Variants in TGM6 observed in about 807,000 individuals in gnomAD.
TGM6 encodes the protein transglutaminase 6, also known as protein-glutamine gamma-glutamyltransferase 6.
Under a neutral mutation model 77.5 loss-of-function variants are expected in TGM6, and 74 were observed. That is an observed-to-expected ratio of 0.96 (90% CI 0.79 to 1.16). The LOEUF is 1.16. Among genes scored for constraint, TGM6 ranks in the 50% most tolerant of loss-of-function variants. The pLI is 0.00. For synonymous variants in TGM6, 383 were observed against 378.9 expected, an observed-to-expected ratio of 1.01 and a Z score of -0.12; for missense variants, 968 against 940.2, an observed-to-expected ratio of 1.03 and a Z score of -0.39.
Position 2,417,359 on chromosome 20 carries a change from G to C in TGM6, c.1464G>C (p.Glu488Asp), listed in dbSNP as rs760260550. 49 of 1,613,804 alleles carry C rather than the reference G, an allele frequency of 3.0e-5. No homozygotes were observed. The South Asian group carries it at 5.4e-4, about 18-fold the overall frequency. The change falls in exon 10 of 13, where the codon GAG becomes GAC. Residue 488 changes from glutamate (E) to aspartate (D), a missense_variant. By Grantham distance (45) the Glu-to-Asp change is conservative (BLOSUM62 2). Coordinates refer to ENST00000202625, the MANE Select transcript of TGM6 (RefSeq NM_198994.3). ...GRCLWRDDLL[E>D]PATKPSIAGK... ...GTCTCTGGCGTGACGACCTCCTGGA[G>C]CCTGCCACCAAGCCCAGCATCGCTG...
chr20:2,400,495 G>A (rs2084700355), intron 7 of TGM6, 51 bp downstream of exon 7: 1 of 1,612,458 alleles, frequency 6.2e-7, no homozygotes, highest in Non-Finnish European at 8.5e-7. Context: ...CCCAGCAGGT[G>A]GAGCAAGGCC....
intron 9 of TGM6, among the ~76,000 whole-genome samples, chr20:2,405,078 T>C (rs1391817672): frequency 6.6e-6 from 1 of 152,242 alleles, no homozygotes; most frequent in African/African-American, 2.4e-5. Flanking sequence ...CAGGTGGTGC[T>C]GGCTGGGATC....
chr20:2,427,687 A>ACTTCT (rs1321988140), intron 10 of TGM6, among the ~76,000 whole-genome samples: 1 of 152,086 alleles, frequency 6.6e-6, no homozygotes, highest in African/African-American at 2.4e-5. Context: ...AATATTATAG[A>ACTTCT]CTTCTCTCTA....
chr20:2,397,844 G>C, intron 4 of TGM6, 74 bp from the exon 5 acceptor site: 3 of 1,613,008 alleles, frequency 1.9e-6, no homozygotes, highest in Admixed American at 3.3e-5. Flanking sequence ...TGACTGACCG[G>C]GTGAGGGCTG....
chr20:2,390,005 A>G (rs1018243003), intron 1 of TGM6, among the ~76,000 whole-genome samples: 15 of 152,178 alleles, frequency 9.9e-5, no homozygotes, highest in Non-Finnish European at 2.2e-4. Flanking sequence ...GACTTGCCTC[A>G]TTCCCAGAGA....
intron 1 of TGM6, among the ~76,000 whole-genome samples, chr20:2,392,493 C>T (rs752879947): frequency 2.0e-5 from 3 of 152,176 alleles, no homozygotes; most frequent in Admixed American, 6.5e-5. Context: ...ACCCCTGGAA[C>T]ATAATAAGTA....
At chr20:2,414,985 C>T (rs988058715) in intron 9 of TGM6, among the ~76,000 whole-genome samples, 28 of 150,378 alleles carry the variant, frequency 1.9e-4, no homozygotes, top group Admixed American at 1.5e-3. Context: ...TGACGGGGTG[C>T]ACAATTCTGT....
At chr20:2,381,136 C>A (rs2084551877) in intron 1 of TGM6, among the ~76,000 whole-genome samples, 161 bp downstream of exon 1, 1 of 152,152 alleles carries the variant, frequency 6.6e-6, no homozygotes, top group Non-Finnish European at 1.5e-5. Flanking sequence ...TCATGAGGCC[C>A]AGGATGAAAA....
intron 7 of TGM6, among the ~76,000 whole-genome samples, 153 bp downstream of exon 7, chr20:2,400,597 C>A (rs755034337): frequency 2.0e-5 from 3 of 152,138 alleles, no homozygotes; most frequent in African/African-American, 7.2e-5. Context: ...AGGCGCCCTG[C>A]GGATAGTGGT....
At chr20:2,421,748 A>G (rs890389472) in intron 10 of TGM6, among the ~76,000 whole-genome samples, 1 of 152,280 alleles carries the variant, frequency 6.6e-6, no homozygotes, top group Non-Finnish European at 1.5e-5. Flanking sequence ...GTCTCTTCAC[A>G]GTGTTTTCTG....
rs568409182 is a variant in TGM6 at position 2,387,989 on chromosome 20, G to A, written c.8-6463G>A. 2.6e-5 allele frequency among the ~76,000 whole-genome samples: 4 copies of A among 152,292 alleles called. No homozygotes were observed. The East Asian group carries it at 5.8e-4, about 22-fold the overall frequency. On this transcript the variant is annotated intron_variant, in intron 1 of 12. Transcript: ENST00000202625. Reference sequence around the variant, plus strand: ...CATTTGGGTTTCTTCATGGCATGGTGGCTGGGTTCTAAGAGCAAGCAACCC... The same window carrying A: ...CATTTGGGTTTCTTCATGGCATGGTAGCTGGGTTCTAAGAGCAAGCAACCC...
intron 9 of TGM6, among the ~76,000 whole-genome samples, chr20:2,409,894 C>CTA (rs767964590): frequency 1.4e-4 from 22 of 152,130 alleles, no homozygotes; most frequent in Non-Finnish European, 2.9e-4. Flanking sequence ...AAACCTTTAG[C>CTA]TAGACTAAGA....
chr20:2,423,028 T>A (rs377075015), intron 10 of TGM6, among the ~76,000 whole-genome samples: 1 of 151,260 alleles, frequency 6.6e-6, no homozygotes, highest in Non-Finnish European at 1.5e-5. Context: ...CTTGCCTCAA[T>A]GTTGATGGCT....
At chr20:2,392,650 G>T (rs1238301844) in intron 1 of TGM6, among the ~76,000 whole-genome samples, 1 of 152,220 alleles carries the variant, frequency 6.6e-6, no homozygotes, top group African/African-American at 2.4e-5. Context: ...CAGTGGTCAC[G>T]CCTGTAATCC....
chr20:2,396,569 T>A lies in TGM6; in HGVS notation c.488T>A (p.Ile163Asn). ...RQEYVLSDSG[I>N]IFRGVEKHIR... ...GAGTACGTGCTCAGCGACAGCGGCA[T>A]CATCTTCCGAGGCGTGGAGAAGCAC... Residue 163 changes from isoleucine to asparagine, a missense_variant, in exon 4 of 13, where the codon ATC (isoleucine) becomes AAC (asparagine). Physicochemically the swap from Ile to Asn is moderately radical, Grantham distance 149 (BLOSUM62 -3). Transcript: ENST00000202625. 1 of 1,614,174 alleles carries A rather than the reference T, an allele frequency of 6.2e-7. No homozygotes were observed. Among genetic ancestry groups the A allele is most frequent in the South Asian group, 1.1e-5 (1 of 91,078 alleles).
At chr20:2,389,257 C>T (rs1003243671) in intron 1 of TGM6, among the ~76,000 whole-genome samples, 1 of 152,184 alleles carries the variant, frequency 6.6e-6, no homozygotes, top group Non-Finnish European at 1.5e-5. Flanking sequence ...GTGCCTCAAC[C>T]TGTATTCAGC....
At chr20:2,392,455 G>C (rs1288588831) in intron 1 of TGM6, among the ~76,000 whole-genome samples, 1 of 152,196 alleles carries the variant, frequency 6.6e-6, no homozygotes, top group African/African-American at 2.4e-5. Context: ...GCAAGAATTA[G>C]TTATGTGGAC....
At chr20:2,432,427 C>G in intron 12 of TGM6, 63 bp from the exon 13 acceptor site, 1 of 1,603,844 alleles carries the variant, frequency 6.2e-7, no homozygotes. Flanking sequence ...CGTGGATTGG[C>G]AGGCCAGACT....
At chr20:2,406,693 G>A (rs1324534569) in intron 9 of TGM6, among the ~76,000 whole-genome samples, 1 of 151,442 alleles carries the variant, frequency 6.6e-6, no homozygotes, top group Non-Finnish European at 1.5e-5. Context: ...AAATTAGCCA[G>A]GCATGGTGGC....
Sources: gnomAD v4.1 joint callset for allele counts (sites outside exome capture counted in the v4.1 genomes callset) on GRCh38, gnomAD v4.1.1 for gene constraint, MANE v1.5 for transcripts, NCBI Gene and HGNC (gene_info 2026-07-23, HGNC 2026-07-21) for gene names.